ARL15: variants seen among roughly 807,000 people sequenced by gnomAD.
The protein encoded by ARL15 is ARF like GTPase 15.
ARL15 carries 19 observed loss-of-function variants against 25.2 expected under a neutral mutation model. The observed-to-expected ratio is 0.75, with a 90% CI of 0.53 to 1.10. The LOEUF is 1.10. Among genes scored for constraint, ARL15 ranks in the 50% least tolerant of loss-of-function variants. The probability of loss-of-function intolerance (pLI) is 0.00; values close to 1 mark genes in which losing one functional copy is unlikely to be tolerated. For synonymous variants in ARL15, 94 were observed against 86.8 expected (o/e 1.08, Z -0.46); for missense variants, 220 against 246.0 (o/e 0.89, Z 0.71).
chr5:53,942,068 CAG>C lies in ARL15; in HGVS notation c.463-55357_463-55356del, dbSNP rs560260550. Among the ~76,000 whole-genome samples the C allele has an allele frequency of 3.1e-4, 47 of 152,202 alleles. No individual in the cohort carries two copies. The South Asian group carries it at 9.3e-3, about 30-fold the overall frequency. On this transcript the variant is annotated intron_variant, in intron 4 of 4. Coordinates refer to ENST00000504924, the MANE Select transcript of ARL15 (RefSeq NM_019087.3). Reference sequence around the variant, plus strand: ...CAGGTAGGAAGCAATTACAAGAATCCAGAGAGGAATGGTTGCAGGTTGCTTGG... The same window carrying C: ...CAGGTAGGAAGCAATTACAAGAATCCAGAGGAATGGTTGCAGGTTGCTTGG...
At chr5:54,038,280 C>A (rs1306792731) in intron 4 of ARL15, among the ~76,000 whole-genome samples, 1 of 151,992 alleles carries the variant, frequency 6.6e-6, no homozygotes, top group Non-Finnish European at 1.5e-5. Context: ...ACTCTCCTGG[C>A]CTAATCTGAT....
intron 4 of ARL15, among the ~76,000 whole-genome samples, chr5:54,017,080 C>T (rs2111817700): frequency 6.6e-6 from 1 of 152,316 alleles, no homozygotes; most frequent in South Asian, 2.1e-4. Context: ...CCTTTGTCGC[C>T]TCTGCCCTGT....
intron 4 of ARL15, among the ~76,000 whole-genome samples, chr5:53,983,808 G>A (rs756734648): frequency 6.6e-6 from 1 of 152,106 alleles, no homozygotes; most frequent in Non-Finnish European, 1.5e-5. Context: ...GCCAGACTCC[G>A]GATGATTCCC....
chr5:54,018,308 G>A (rs1007654010), intron 4 of ARL15, among the ~76,000 whole-genome samples: 6 of 151,960 alleles, frequency 3.9e-5, no homozygotes. Context: ...CTTTAATTTG[G>A]TGTTTCCTGT....
intron 1 of ARL15, among the ~76,000 whole-genome samples, chr5:54,173,206 A>AAAAGG (rs1383568994): frequency 6.6e-6 from 1 of 151,456 alleles, no homozygotes. Context: ...AAAAGAAAAG[A>AAAAGG]AAAGAAAGAA....
chr5:54,255,985 C>A (rs902339224), intron 1 of ARL15, among the ~76,000 whole-genome samples: 1 of 151,418 alleles, frequency 6.6e-6, no homozygotes, highest in African/African-American at 2.4e-5. Flanking sequence ...CACAAAATGA[C>A]AACCTAACAT....
At chr5:53,998,970 G>T (rs1748770059) in intron 4 of ARL15, among the ~76,000 whole-genome samples, 1 of 152,132 alleles carries the variant, frequency 6.6e-6, no homozygotes, top group South Asian at 2.1e-4. Flanking sequence ...GAAGGGATGT[G>T]GGGGCTAATG....
intron 4 of ARL15, among the ~76,000 whole-genome samples, chr5:54,037,859 A>G (rs1042956453): frequency 6.6e-6 from 1 of 152,098 alleles, no homozygotes; most frequent in Admixed American, 6.5e-5. Context: ...ATTTATTTCC[A>G]CTGTTTCTTG....
At chr5:53,957,531 T>C (rs923132183) in intron 4 of ARL15, among the ~76,000 whole-genome samples, 7 of 152,102 alleles carry the variant, frequency 4.6e-5, no homozygotes, top group African/African-American at 1.7e-4. Flanking sequence ...ACATAAAGAA[T>C]GCCGTTAAAA....
intron 1 of ARL15, among the ~76,000 whole-genome samples, chr5:54,176,028 A>C (rs1425550388): frequency 4.6e-5 from 7 of 152,150 alleles, no homozygotes. Context: ...GAATGTCATA[A>C]GGACATCCAA....
At chr5:54,069,204 T>C (rs766824186) in intron 4 of ARL15, among the ~76,000 whole-genome samples, 9 of 152,134 alleles carry the variant, frequency 5.9e-5, no homozygotes, top group Non-Finnish European at 8.8e-5. Flanking sequence ...ATGATGATAA[T>C]AGTAATAATT....
At chr5:54,063,031 C>T (rs1751114764) in intron 4 of ARL15, among the ~76,000 whole-genome samples, 1 of 152,162 alleles carries the variant, frequency 6.6e-6, no homozygotes, top group Admixed American at 6.5e-5. Context: ...CCTTAGCTCT[C>T]ACAATAATGC....
intron 1 of ARL15, among the ~76,000 whole-genome samples, chr5:54,217,662 T>C (rs993672459): frequency 6.6e-6 from 1 of 152,118 alleles, no homozygotes; most frequent in East Asian, 1.9e-4. Context: ...GAAATAAACA[T>C]GTTCATAGAA....
intron 4 of ARL15, chr5:53,887,472 T>C: frequency 1.5e-6 from 1 of 674,868 alleles, no homozygotes; most frequent in South Asian, 1.6e-5. Context: ...CTTACTATAT[T>C]GGCCAGCATA....
At position 54,176,200 on chromosome 5, in the gene ARL15, T is replaced by C. The variant is rs530546075; in HGVS notation, c.49-4272A>G. 4.6e-5 allele frequency among the ~76,000 whole-genome samples: 7 copies of C among 152,278 alleles called. No individual in the cohort carries two copies. In the South Asian group the frequency reaches 1.5e-3, roughly 32 times the overall value. ...GGTTCTTTGGAACTTAATGGCTAGA[T>C]TGATAGTTATTACAAGGCAAAATCT... On this transcript the variant is annotated intron_variant, in intron 1 of 4. Coordinates refer to ENST00000504924, the MANE Select transcript of ARL15 (RefSeq NM_019087.3).
rs1033252837 is a variant in ARL15 at position 54,217,222 on chromosome 5, G to A, written c.49-45294C>T. On this transcript the variant is annotated intron_variant, in intron 1 of 4. Transcript: ENST00000504924. ...TTTCTTTTTTTTTTTTTTTAAAAAG[G>A]GAGAAAACACTACCAATTTCACCTC... is the stretch of plus-strand genomic sequence containing the variant. Among the ~76,000 whole-genome samples the A allele has an allele frequency of 3.3e-5, 5 of 149,654 alleles. No homozygotes were observed. In the East Asian group the frequency reaches 5.8e-4, roughly 17 times the overall value.
intron 1 of ARL15, among the ~76,000 whole-genome samples, chr5:54,251,498 G>A (rs1757235710): frequency 6.6e-6 from 1 of 152,108 alleles, no homozygotes; most frequent in South Asian, 2.1e-4. Flanking sequence ...GAAAACGGAG[G>A]CTGCTGATAA....
intron 4 of ARL15, among the ~76,000 whole-genome samples, chr5:54,079,717 C>T (rs1751727345): frequency 6.6e-6 from 1 of 151,988 alleles, no homozygotes; most frequent in African/African-American, 2.4e-5. Context: ...CGCCTGTAAT[C>T]CCAGCACTTT....
At chr5:54,173,210 G>GA (rs1754772538) in intron 1 of ARL15, among the ~76,000 whole-genome samples, 2 of 150,936 alleles carry the variant, frequency 1.3e-5, no homozygotes, top group Admixed American at 6.6e-5. Flanking sequence ...GAAAAGAAAA[G>GA]AAAGAAAGAA....
Sources: gnomAD v4.1 joint callset for allele counts (sites outside exome capture counted in the v4.1 genomes callset) on GRCh38, gnomAD v4.1.1 for gene constraint, MANE v1.5 for transcripts, NCBI Gene and HGNC (gene_info 2026-07-23, HGNC 2026-07-21) for gene names.